Variants in MARCHF1 observed in about 807,000 individuals in gnomAD.
The protein encoded by MARCHF1 is membrane associated ring-CH-type finger 1, also known as E3 ubiquitin-protein ligase MARCHF1.
In MARCHF1, 40 loss-of-function variants were observed where a neutral mutation model predicts 54.2. That is an observed-to-expected ratio of 0.74 (90% CI 0.57 to 0.96). The LOEUF is 0.96. MARCHF1 is among the 40% of genes least tolerant of loss of function. The pLI, the probability that MARCHF1 is intolerant of heterozygous loss-of-function variation, is 0.00. For missense variants in MARCHF1, 586 were observed against 656.5 expected (o/e 0.89, Z 1.17); for synonymous variants, 236 against 236.3 (o/e 1.00, Z 0.01).
At chr4:163,894,700 TGCATGTG>T (rs1750749140) in intron 3 of MARCHF1, among the ~76,000 whole-genome samples, 1 of 45,292 alleles carries the variant, frequency 2.2e-5, no homozygotes, top group African/African-American at 8.4e-5. Context: ...CATATATATA[TGCATGTG>T]ATGCATATAT....
At chr4:163,700,254 C>T (rs1451364864) in intron 5 of MARCHF1, among the ~76,000 whole-genome samples, 3 of 152,084 alleles carry the variant, frequency 2.0e-5, no homozygotes, top group Non-Finnish European at 4.4e-5. Flanking sequence ...CTCCTGTAAT[C>T]CCAATACTTT....
chr4:163,842,421 GGTTA>G (rs33936214), intron 4 of MARCHF1, among the ~76,000 whole-genome samples: 51,401 of 151,476 alleles, frequency 0.34, 9,095 homozygotes, highest in Admixed American at 0.4. Flanking sequence ...GTTTAGTAAT[GGTTA>G]GTTAAATATG....
intron 5 of MARCHF1, among the ~76,000 whole-genome samples, chr4:163,652,034 A>G (rs554213174): frequency 2.6e-5 from 4 of 151,676 alleles, no homozygotes; most frequent in Non-Finnish European, 4.4e-5. Flanking sequence ...ATTTCTTACT[A>G]TGGGGCTTTT....
intron 5 of MARCHF1, among the ~76,000 whole-genome samples, chr4:163,673,981 A>C (rs1447224707): frequency 1.3e-5 from 2 of 152,156 alleles, no homozygotes; most frequent in Non-Finnish European, 1.5e-5. Flanking sequence ...ACAAAAACCC[A>C]ACTTGGTCCA....
chr4:163,905,316 C>T (rs1351133285), intron 3 of MARCHF1, among the ~76,000 whole-genome samples: 7 of 151,962 alleles, frequency 4.6e-5, no homozygotes, highest in Non-Finnish European at 7.4e-5. Context: ...TGAACATTCA[C>T]GAACATAGAT....
At chr4:164,045,706 C>T (rs1262071913) in intron 2 of MARCHF1, among the ~76,000 whole-genome samples, 15 of 144,974 alleles carry the variant, frequency 1.0e-4, no homozygotes, top group Admixed American at 4.2e-4. Context: ...CAAAATACAC[C>T]GTTCTAACAG....
intron 7 of MARCHF1, among the ~76,000 whole-genome samples, chr4:163,589,756 A>T: frequency 6.6e-6 from 1 of 152,098 alleles, no homozygotes; most frequent in East Asian, 1.9e-4. Flanking sequence ...TTGCATGGCA[A>T]AATATTCGTA....
At chr4:163,806,781 T>A (rs1194382411) in intron 4 of MARCHF1, among the ~76,000 whole-genome samples, 1 of 152,158 alleles carries the variant, frequency 6.6e-6, no homozygotes, top group Admixed American at 6.5e-5. Context: ...CTCACTTTTA[T>A]GGATCAATAA....
intron 1 of MARCHF1, among the ~76,000 whole-genome samples, chr4:164,209,759 C>T (rs973433019): frequency 1.1e-4 from 16 of 152,048 alleles, no homozygotes; most frequent in Middle Eastern, 3.2e-3. Flanking sequence ...CTTCATTTAA[C>T]ATGCATTTGT....
chr4:164,363,041 T>C lies in MARCHF1; in HGVS notation c.-323+20829A>G, dbSNP rs969397344. On this transcript the variant is annotated intron_variant, in intron 1 of 9. Transcript: ENST00000514618. Reference sequence around the variant, plus strand: ...AACAACCCAGAAGGTAAAAGGCTTATTAACAATAAACCCACAAGAAAACAA... The same window carrying C: ...AACAACCCAGAAGGTAAAAGGCTTACTAACAATAAACCCACAAGAAAACAA... Among the ~76,000 whole-genome samples, 3 of 152,126 alleles carry C rather than the reference T, an allele frequency of 2.0e-5. 1 individual carries two copies. The highest frequency in any genetic ancestry group is 4.4e-5 in the Non-Finnish European group (3 of 67,992).
At chr4:164,091,433 T>TATATAA (rs1006610249) in intron 2 of MARCHF1, among the ~76,000 whole-genome samples, 5 of 146,986 alleles carry the variant, frequency 3.4e-5, no homozygotes, top group Non-Finnish European at 6.0e-5. Context: ...TATATATGTA[T>TATATAA]AAAATGAATT....
chr4:164,184,664 A>T (rs1579603394), intron 1 of MARCHF1, among the ~76,000 whole-genome samples: 1 of 152,244 alleles, frequency 6.6e-6, no homozygotes, highest in East Asian at 1.9e-4. Flanking sequence ...TCAAACATGA[A>T]TTCCCTTGGT....
chr4:164,069,383 A>T (rs901720358), intron 2 of MARCHF1, among the ~76,000 whole-genome samples: 1 of 151,964 alleles, frequency 6.6e-6, no homozygotes, highest in African/African-American at 2.4e-5. Flanking sequence ...TTGTTCTTTC[A>T]CTCTTTGCAA....
intron 5 of MARCHF1, among the ~76,000 whole-genome samples, chr4:163,655,013 G>A (rs577924695): frequency 7.3e-5 from 11 of 151,104 alleles, no homozygotes; most frequent in Admixed American, 1.3e-4. Flanking sequence ...ATTTATGTAC[G>A]TCTCTCCTTG....
chr4:164,285,499 G>T (rs13148130), intron 1 of MARCHF1, among the ~76,000 whole-genome samples: 19,510 of 151,916 alleles, frequency 0.13, 1,939 homozygotes, highest in African/African-American at 0.28. Flanking sequence ...CTGGAGTGCA[G>T]TGGCGCGATC....
chr4:164,078,669 A>T (rs1163016825), intron 2 of MARCHF1, among the ~76,000 whole-genome samples: 1 of 152,238 alleles, frequency 6.6e-6, no homozygotes, highest in Non-Finnish European at 1.5e-5. Flanking sequence ...ACTTCTAGAA[A>T]TACTAGAACT....
At chr4:163,744,590 G>T (rs1009881835) in intron 4 of MARCHF1, among the ~76,000 whole-genome samples, 1 of 152,248 alleles carries the variant, frequency 6.6e-6, no homozygotes, top group African/African-American at 2.4e-5. Context: ...TAAGTGTCCA[G>T]AATAATACCT....
At chr4:164,213,937 T>G (rs959115008) in intron 1 of MARCHF1, among the ~76,000 whole-genome samples, 4 of 152,106 alleles carry the variant, frequency 2.6e-5, no homozygotes, top group Non-Finnish European at 5.9e-5. Flanking sequence ...AACTGGATTG[T>G]TTGTAAACAA....
chr4:163,841,673 C>A (rs548947257), intron 4 of MARCHF1, among the ~76,000 whole-genome samples: 1 of 151,994 alleles, frequency 6.6e-6, no homozygotes, highest in Non-Finnish European at 1.5e-5. Flanking sequence ...TGAAATTATT[C>A]AACCCATGAA....
Sources: allele counts gnomAD v4.1 joint callset (sites outside exome capture counted in the v4.1 genomes callset), GRCh38; gene constraint gnomAD v4.1.1; transcripts MANE v1.5; gene names NCBI Gene and HGNC (gene_info 2026-07-23, HGNC 2026-07-21).